PAQR5: variants seen among roughly 807,000 people sequenced by gnomAD.
PAQR5 encodes the protein membrane progestin receptor gamma.
In PAQR5, 20 loss-of-function variants were observed where a neutral mutation model predicts 34.5. The observed-to-expected ratio is 0.58, with a 90% CI of 0.41 to 0.84. PAQR5 has a LOEUF of 0.84. Ranked by LOEUF, PAQR5 falls within the 40% of genes least tolerant of loss-of-function variation. The probability of loss-of-function intolerance (pLI) is 0.00; values close to 1 mark genes in which losing one functional copy is unlikely to be tolerated. For missense variants in PAQR5, 378 were observed against 412.7 expected, an observed-to-expected ratio of 0.92 and a Z score of 0.73; for synonymous variants, 131 against 155.6, an observed-to-expected ratio of 0.84 and a Z score of 1.18.
chr15:69,370,018 C>T (rs1283239185), intron 3 of PAQR5, among the ~76,000 whole-genome samples: 3 of 152,126 alleles, frequency 2.0e-5, no homozygotes, highest in Non-Finnish European at 4.4e-5. Flanking sequence ...TTTGCTGATA[C>T]ACTGGCTTAT....
Position 69,331,670 on chromosome 15 carries a change from AATTACC to A in PAQR5, c.-276-5667_-276-5662del, listed in dbSNP as rs533831403. ...CGCCTTGCCCAGAGACTCCATTGTGAATTACCATTTGGAGGTCATCCCTCCCCTCCC... is the reference window on the plus strand; with the variant it reads ...CGCCTTGCCCAGAGACTCCATTGTGAATTTGGAGGTCATCCCTCCCCTCCC... On this transcript the variant is annotated intron_variant, in intron 1 of 8. Transcript: ENST00000395407. 1.7e-4 allele frequency among the ~76,000 whole-genome samples: 26 copies of A among 152,208 alleles called. No homozygotes were observed. In the South Asian group the frequency reaches 5.4e-3, roughly 32 times the overall value.
At chr15:69,380,517 CACG>C (rs932684471) in intron 4 of PAQR5, among the ~76,000 whole-genome samples, 2 of 152,136 alleles carry the variant, frequency 1.3e-5, no homozygotes, top group Admixed American at 1.3e-4. Flanking sequence ...TTCTGGGAAC[CACG>C]ACAACTGGGA....
chr15:69,333,308 A>G (rs1229266169), intron 1 of PAQR5, among the ~76,000 whole-genome samples: 6 of 152,188 alleles, frequency 3.9e-5, no homozygotes, highest in African/African-American at 1.4e-4. Flanking sequence ...CTCAGAATCA[A>G]AGGCTCTGTT....
In PAQR5 at chr15:69,406,111, G is replaced by A. The variant is rs974460387; in HGVS notation, c.*2289G>A. Reference sequence around the variant, plus strand: ...TCAGCTGAAGACCTCACTGGAGTGGGTCTTAATTTTTAAAAAGTGTCTCAC... The same window carrying A: ...TCAGCTGAAGACCTCACTGGAGTGGATCTTAATTTTTAAAAAGTGTCTCAC... On this transcript the variant is annotated 3_prime_UTR_variant, in exon 9 of 9. Transcript: ENST00000395407. 6.6e-6 allele frequency: 1 copy of A among 152,152 alleles called. No individual in the cohort carries two copies. Among genetic ancestry groups the A allele is most frequent in the African/African-American group, 2.4e-5 (1 of 41,430 alleles). 9.4% of individuals were successfully genotyped at this position (152,152 alleles called of 1,614,324 possible).
intron 3 of PAQR5, among the ~76,000 whole-genome samples, chr15:69,369,518 A>G (rs1398277661): frequency 6.6e-6 from 1 of 151,664 alleles, no homozygotes; most frequent in Non-Finnish European, 1.5e-5. Flanking sequence ...CCTGGGTGAC[A>G]GAGCAAGATC....
chr15:69,322,647 C>G (rs1452731633), intron 1 of PAQR5, among the ~76,000 whole-genome samples: 1 of 92,886 alleles, frequency 1.1e-5, no homozygotes, highest in Non-Finnish European at 1.9e-5. Flanking sequence ...AGAGTGAGAC[C>G]CTGTCTCAAA....
chr15:69,403,877 C>T lies in PAQR5; in HGVS notation c.*55C>T. On this transcript the variant is annotated 3_prime_UTR_variant, in exon 9 of 9. Transcript: ENST00000395407. ...TCAACATTAAGCTGCAACATCCTAA[C>T]CACCATAAGCCGGAGGTGGTTACAG... The T allele has an allele frequency of 6.3e-7, 1 of 1,582,258 alleles. No individual in the cohort carries two copies. Among genetic ancestry groups the T allele is most frequent in the Non-Finnish European group, 8.6e-7 (1 of 1,164,874 alleles).
chr15:69,318,794 C>T (rs914821493), intron 1 of PAQR5, among the ~76,000 whole-genome samples: 1 of 151,622 alleles, frequency 6.6e-6, no homozygotes, highest in African/African-American at 2.4e-5. Context: ...GGATTAACCA[C>T]CATAATAATA....
At chr15:69,388,275 C>T (rs1050385890) in intron 5 of PAQR5, among the ~76,000 whole-genome samples, 2 of 152,320 alleles carry the variant, frequency 1.3e-5, no homozygotes, top group South Asian at 2.1e-4. Context: ...TCAGTGGCTC[C>T]CTTAGTGCCT....
chr15:69,320,629 G>C (rs1259328042), intron 1 of PAQR5, among the ~76,000 whole-genome samples: 1 of 152,174 alleles, frequency 6.6e-6, no homozygotes, highest in South Asian at 2.1e-4. Context: ...ATATAAAAAT[G>C]CTTTAGAATA....
At chr15:69,347,064 C>T (rs1266206579) in intron 2 of PAQR5, among the ~76,000 whole-genome samples, 5 of 152,112 alleles carry the variant, frequency 3.3e-5, no homozygotes, top group African/African-American at 1.2e-4. Context: ...TCAGGTGACC[C>T]ACCTGCCTCG....
intron 3 of PAQR5, among the ~76,000 whole-genome samples, chr15:69,360,954 G>A (rs561101195): frequency 2.6e-5 from 4 of 152,336 alleles, no homozygotes; most frequent in African/African-American, 9.6e-5. Flanking sequence ...ATGGAAGGTT[G>A]AGGGGGAAAT....
intron 2 of PAQR5, among the ~76,000 whole-genome samples, chr15:69,351,254 TG>T (rs2054910560): frequency 6.6e-6 from 1 of 152,248 alleles, no homozygotes; most frequent in African/African-American, 2.4e-5. Context: ...ATCAAGGACT[TG>T]AAGACACAGG....
At chr15:69,301,283 C>G (rs28491594) in intron 1 of PAQR5, among the ~76,000 whole-genome samples, 14,935 of 151,984 alleles carry the variant, frequency 0.098, 790 homozygotes, top group East Asian at 0.14. Flanking sequence ...GGATTGCAGG[C>G]GTGAGCCACT....
At chr15:69,302,475 G>T (rs1005458367) in intron 1 of PAQR5, among the ~76,000 whole-genome samples, 3 of 152,206 alleles carry the variant, frequency 2.0e-5, no homozygotes, top group African/African-American at 7.2e-5. Context: ...AAGGGTCTGA[G>T]AGCCCCTGTA....
At chr15:69,397,438 T>C in intron 6 of PAQR5, 30 bp from the exon 7 acceptor site, 1 of 1,468,426 alleles carries the variant, frequency 6.8e-7, no homozygotes, top group Non-Finnish European at 9.6e-7. Context: ...TTTCATTCCA[T>C]TTCCTCCCCA....
intron 3 of PAQR5, among the ~76,000 whole-genome samples, chr15:69,369,726 G>T (rs1282255591): frequency 7.2e-6 from 1 of 139,144 alleles, no homozygotes; most frequent in Non-Finnish European, 1.5e-5. Flanking sequence ...CTAGCTGATG[G>T]TTATGAATTT....
intron 5 of PAQR5, among the ~76,000 whole-genome samples, chr15:69,386,802 T>C (rs566137832): frequency 6.6e-6 from 1 of 152,148 alleles, no homozygotes; most frequent in African/African-American, 2.4e-5. Flanking sequence ...ACCTCTTACC[T>C]GAGGTCCACG....
At chr15:69,365,398 G>A (rs1000068032) in intron 3 of PAQR5, among the ~76,000 whole-genome samples, 10 of 152,286 alleles carry the variant, frequency 6.6e-5, no homozygotes, top group East Asian at 1.9e-4. Flanking sequence ...GTGAGCCACC[G>A]TGCCCAGCCT....
Sources: allele counts gnomAD v4.1 joint callset (sites outside exome capture counted in the v4.1 genomes callset), GRCh38; gene constraint gnomAD v4.1.1; transcripts MANE v1.5; gene names NCBI Gene and HGNC (gene_info 2026-07-23, HGNC 2026-07-21).